Variants in MACC1 observed in about 807,000 individuals in gnomAD.
MACC1 encodes the protein MET transcriptional regulator MACC1.
MACC1 carries 79 observed loss-of-function variants against 70.7 expected under a neutral mutation model. The ratio of observed to expected loss-of-function variants is 1.12; its 90% confidence interval spans 0.93 to 1.35. The LOEUF is 1.35. Ranked by LOEUF, MACC1 falls within the 40% of genes most tolerant of loss-of-function variation. MACC1 has a pLI of 0.00. For synonymous variants in MACC1, 361 were observed against 347.2 expected (o/e 1.04, Z -0.44); for missense variants, 1,106 against 978.1 (o/e 1.13, Z -1.74).
Position 20,145,959 on chromosome 7 carries a change from G to A in MACC1, c.2347-4801C>T, listed in dbSNP as rs190893959. Among the ~76,000 whole-genome samples, 220 of 152,020 alleles carry A rather than the reference G, an allele frequency of 1.4e-3. 1 individual carries two copies. Among genetic ancestry groups the A allele is most frequent in the Non-Finnish European group, 1.3e-3 (91 of 67,960 alleles). ...GGGTGGATCATGAGGTCAGGAGTTC[G>A]AGACCAGCCTGGCCATTATGGTGAA... On this transcript the variant is annotated intron_variant, in intron 6 of 6. Coordinates refer to ENST00000400331, the MANE Select transcript of MACC1 (RefSeq NM_182762.4).
chr7:20,182,737 C>T (rs544668828), intron 1 of MACC1, among the ~76,000 whole-genome samples: 2 of 152,250 alleles, frequency 1.3e-5, no homozygotes, highest in East Asian at 3.9e-4. Context: ...TTGTCTTCCT[C>T]ATTCTTTGGT....
At chr7:20,158,128 C>T (rs1251732238) in intron 5 of MACC1, 76 bp downstream of exon 5, 3 of 1,471,844 alleles carry the variant, frequency 2.0e-6, no homozygotes, top group Non-Finnish European at 2.7e-6. Context: ...TCTCCTCTCA[C>T]ATGTTCAGTT....
At position 20,207,633 on chromosome 7, in the gene MACC1, A is replaced by T. The variant is rs544613213; in HGVS notation, c.-218+9666T>A. Among the ~76,000 whole-genome samples, 54 of 152,298 alleles carry T rather than the reference A, an allele frequency of 3.5e-4. 1 individual carries two copies. Among genetic ancestry groups the T allele is most frequent in the Admixed American group, 3.3e-3 (50 of 15,300 alleles). On this transcript the variant is annotated intron_variant, in intron 1 of 6. Transcript: ENST00000400331. ...CACCATGTTGAATTTCTAATAACAA[A>T]TATTAGGGGAAAAAATAGGTATTTT... is the stretch of plus-strand genomic sequence containing the variant.
chr7:20,156,478 T>G (rs1017803806), intron 5 of MACC1, among the ~76,000 whole-genome samples: 8 of 152,112 alleles, frequency 5.3e-5, no homozygotes, highest in African/African-American at 1.7e-4. Context: ...TTTAGGCCAC[T>G]AAAAAAACAA....
chr7:20,158,254 C>G lies in MACC1; in HGVS notation c.2107G>C (p.Asp703His), dbSNP rs1782083364. Residue 703 changes from aspartate to histidine, a missense_variant, in exon 5 of 7, where the codon GAT (aspartate) becomes CAT (histidine). Coordinates refer to ENST00000400331, the MANE Select transcript of MACC1 (RefSeq NM_182762.4). The part of the protein sequence containing the change: ...VSYVIKKLKE[D>H]CHTERNTRKF... ...CTTGTATTTCTCTCTGTGTGGCAATCTTCCTTTAACTTCTTTATAACATAA... is the reference window on the plus strand; with the variant it reads ...CTTGTATTTCTCTCTGTGTGGCAATGTTCCTTTAACTTCTTTATAACATAA... 6.2e-7 allele frequency: 1 copy of G among 1,603,326 alleles called. No homozygotes were observed. The highest frequency in any genetic ancestry group is 8.5e-7 in the Non-Finnish European group (1 of 1,177,218).
rs535703374 is a variant in MACC1, at chr7:20,138,152, C to CAAAAAAAA, written c.*2786_*2793dup. The CAAAAAAAA allele has an allele frequency of 4.4e-5, 3 of 67,868 alleles. No homozygotes were observed. Among genetic ancestry groups the CAAAAAAAA allele is most frequent in the Non-Finnish European group, 6.0e-5 (2 of 33,488 alleles). 4.2% of individuals were successfully genotyped at this position (67,868 alleles called of 1,614,324 possible). On this transcript the variant is annotated 3_prime_UTR_variant, in exon 7 of 7. Transcript: ENST00000400331. The stretch of plus-strand genomic sequence containing the variant: ...TGGGCAACAGAGCCAGACTCTGGCT[C>CAAAAAAAA]AAAAAAAAAAAAAAAAAAAAAAAAA...
rs1347850562 is a variant in MACC1 at position 20,164,852 on chromosome 7, A to C, written c.-152-453T>G. 2.0e-5 allele frequency among the ~76,000 whole-genome samples: 3 copies of C among 151,960 alleles called. No homozygotes were observed. In the East Asian group the frequency reaches 5.8e-4, roughly 30 times the overall value. On this transcript the variant is annotated intron_variant, in intron 2 of 6. Coordinates refer to ENST00000400331, the MANE Select transcript of MACC1 (RefSeq NM_182762.4). Reference sequence around the variant, plus strand: ...TGGAAAACTATTTTCGAAAAGATAAAATATATTCTTAAAAAATCAACTTAG... The same window carrying C: ...TGGAAAACTATTTTCGAAAAGATAACATATATTCTTAAAAAATCAACTTAG...
chr7:20,142,487 A>G (rs1781820895), intron 6 of MACC1, among the ~76,000 whole-genome samples: 1 of 152,190 alleles, frequency 6.6e-6, no homozygotes, highest in Non-Finnish European at 1.5e-5. Context: ...AGCAACAAAA[A>G]TCATCTCAGA....
At chr7:20,151,490 A>G (rs569522518) in intron 6 of MACC1, among the ~76,000 whole-genome samples, 64 of 152,344 alleles carry the variant, frequency 4.2e-4, no homozygotes, top group African/African-American at 1.5e-3. Context: ...TTTGCTTATT[A>G]TCAGATTCCA....
intron 1 of MACC1, among the ~76,000 whole-genome samples, chr7:20,201,909 G>C (rs1782839556): frequency 6.6e-6 from 1 of 152,306 alleles, no homozygotes; most frequent in Non-Finnish European, 1.5e-5. Flanking sequence ...GAGGAAATGA[G>C]TTTCAAACCT....
At chr7:20,157,428 A>G (rs749212933) in intron 5 of MACC1, among the ~76,000 whole-genome samples, 1 of 152,054 alleles carries the variant, frequency 6.6e-6, no homozygotes, top group South Asian at 2.1e-4. Flanking sequence ...ATTATTGTTT[A>G]GGCTGTAATG....
intron 2 of MACC1, among the ~76,000 whole-genome samples, chr7:20,167,580 C>T (rs1782239430): frequency 6.6e-6 from 1 of 151,002 alleles, no homozygotes; most frequent in African/African-American, 2.4e-5. Context: ...AGTAGCAAAC[C>T]AGTCTTTGAA....
intron 2 of MACC1, among the ~76,000 whole-genome samples, chr7:20,167,629 T>A (rs1782240092): frequency 6.6e-6 from 1 of 151,416 alleles, no homozygotes; most frequent in Non-Finnish European, 1.5e-5. Flanking sequence ...ATTTTTGAAC[T>A]CTACACAACA....
chr7:20,178,248 T>C (rs909668247), intron 1 of MACC1, among the ~76,000 whole-genome samples: 1 of 138,476 alleles, frequency 7.2e-6, no homozygotes, highest in African/African-American at 2.7e-5. Flanking sequence ...CTGCCCAGAA[T>C]GTTAATCTTA....
At chr7:20,206,380 C>A (rs1041497859) in intron 1 of MACC1, among the ~76,000 whole-genome samples, 1 of 152,132 alleles carries the variant, frequency 6.6e-6, no homozygotes, top group African/African-American at 2.4e-5. Flanking sequence ...TTTGGCATTG[C>A]TGTGACATGT....
intron 6 of MACC1, among the ~76,000 whole-genome samples, chr7:20,146,134 C>A (rs144024570): frequency 3.4e-5 from 5 of 147,368 alleles, no homozygotes; most frequent in African/African-American, 5.1e-5. Context: ...GCACTCCAGC[C>A]TGGATCTCAA....
At chr7:20,189,503 A>G (rs1181688610) in intron 1 of MACC1, among the ~76,000 whole-genome samples, 2 of 152,212 alleles carry the variant, frequency 1.3e-5, no homozygotes, top group Non-Finnish European at 2.9e-5. Context: ...CATTGCGGCA[A>G]ATCAATGGAG....
At chr7:20,165,486 C>T (rs1417483417) in intron 2 of MACC1, among the ~76,000 whole-genome samples, 1 of 151,616 alleles carries the variant, frequency 6.6e-6, no homozygotes, top group Non-Finnish European at 1.5e-5. Context: ...CTCACAGTAC[C>T]ATCCTAAATC....
intron 1 of MACC1, among the ~76,000 whole-genome samples, chr7:20,184,477 T>C (rs933465238): frequency 1.3e-5 from 2 of 152,190 alleles, no homozygotes; most frequent in African/African-American, 4.8e-5. Flanking sequence ...TTCTTTCTCA[T>C]TATCAAATAA....
Sources: gnomAD v4.1 joint callset for allele counts (sites outside exome capture counted in the v4.1 genomes callset) on GRCh38, gnomAD v4.1.1 for gene constraint, MANE v1.5 for transcripts, NCBI Gene and HGNC (gene_info 2026-07-23, HGNC 2026-07-21) for gene names.